Variants in CLCN4 observed in about 807,000 individuals in gnomAD.
The protein encoded by CLCN4 is H(+)/Cl(-) exchange transporter 4.
In CLCN4, 1 loss-of-function variant was observed where a neutral mutation model predicts 41.7. The observed-to-expected ratio is 0.02, with a 90% CI of 0.01 to 0.11. The LOEUF (loss-of-function observed/expected upper bound fraction) is 0.11. Ranked by LOEUF, CLCN4 falls within the 10% of genes least tolerant of loss-of-function variation. CLCN4 has a pLI of 1.00. For missense variants in CLCN4, 287 were observed against 661.0 expected (o/e 0.43, Z 6.20); for synonymous variants, 277 against 285.8 (o/e 0.97, Z 0.31).
intron 2 of CLCN4, among the ~76,000 whole-genome samples, chrX:10,170,733 C>T (rs778546458): frequency 4.5e-5 from 5 of 112,093 alleles, no homozygotes; most frequent in East Asian, 2.8e-4. Flanking sequence ...CTGGTTTAGA[C>T]GGTGATAAGC....
At position 10,233,564 on chromosome X, in the gene CLCN4, G is replaced by A. The variant is rs1925175281; in HGVS notation, c.2263G>A (p.Glu755Lys). Residue 755 changes from glutamate (E) to lysine (K), a missense_variant, in exon 13 of 13, where the codon GAA (glutamate) becomes AAA (lysine). Physicochemically the swap from Glu to Lys is moderately conservative, Grantham distance 56. Around this residue, in one of 6 missense-constraint regions of CLCN4, gnomAD observed 14 missense variants for 50.0 expected, o/e 0.28. Transcript: ENST00000380833. Reference protein sequence around the residue: ...HMAQMANQDPESIMFN With the variant: ...HMAQMANQDPKSIMFN Reference sequence around the variant, plus strand: ...GGCCCAGATGGCAAACCAGGACCCCGAATCCATCATGTTTAATTAGCAACA... The same window carrying A: ...GGCCCAGATGGCAAACCAGGACCCCAAATCCATCATGTTTAATTAGCAACA... 3.3e-6 allele frequency: 4 copies of A among 1,204,640 alleles called. No individual in the cohort carries two copies. The highest frequency in any genetic ancestry group is 4.5e-6 in the Non-Finnish European group (4 of 889,208).
chrX:10,223,946 A>G (rs967226658), intron 12 of CLCN4, among the ~76,000 whole-genome samples: 1 of 111,811 alleles, frequency 8.9e-6, no homozygotes, highest in Non-Finnish European at 1.9e-5. Flanking sequence ...TTCAACTGCT[A>G]CTCAAAGGGG....
intron 2 of CLCN4, among the ~76,000 whole-genome samples, chrX:10,169,516 C>T (rs113978622): frequency 1.8e-5 from 2 of 109,059 alleles, no homozygotes; most frequent in Non-Finnish European, 3.8e-5. Flanking sequence ...AACAAACAAA[C>T]AAACAAAACC....
intron 2 of CLCN4, among the ~76,000 whole-genome samples, chrX:10,180,781 A>G (rs1018504424): frequency 2.5e-4 from 26 of 105,839 alleles, no homozygotes; most frequent in Non-Finnish European, 1.9e-4. Context: ...AAAAAAAAAA[A>G]AAAAAAAAAA....
At chrX:10,227,132 G>A (rs1569234684) in intron 12 of CLCN4, among the ~76,000 whole-genome samples, 1 of 110,949 alleles carries the variant, frequency 9.0e-6, no homozygotes, top group East Asian at 2.8e-4. Flanking sequence ...AATGAACATT[G>A]ATGCAAAAAT....
intron 2 of CLCN4, among the ~76,000 whole-genome samples, chrX:10,165,815 A>G (rs1284204825): frequency 1.8e-5 from 2 of 111,837 alleles, no homozygotes; most frequent in East Asian, 5.6e-4. Flanking sequence ...GCATCACACC[A>G]GCTCGCCTTT....
Position 10,235,917 on chromosome X carries a change from A to T in CLCN4, c.*2333A>T, listed in dbSNP as rs1217120436. On this transcript the variant is annotated 3_prime_UTR_variant, in exon 13 of 13. Transcript: ENST00000380833. ...GCCTTGAGTAACAGGTCTTAATGTT[A>T]GTGTTGGTGTTGTGGTTTCTGCGGA... 1 of 112,321 alleles carries T rather than the reference A, an allele frequency of 8.9e-6. No individual in the cohort carries two copies. The allele number at this position is 112,321 out of a possible 1,213,427, so 9.3% of individuals were successfully genotyped here. A position where few individuals can be genotyped will look rare whatever the true frequency, so the allele number is the denominator to read the frequency against.
At position 10,233,618 on chromosome X, in the gene CLCN4, G is replaced by A; in HGVS notation, c.*34G>A. On this transcript the variant is annotated 3_prime_UTR_variant, in exon 13 of 13. Transcript: ENST00000380833. ...TGGCAATTATTTTCAGAAAAACACT[G>A]ACTGTGTCATTTAAAAAGAAATAAA... 1.0e-6 allele frequency: 1 copy of A among 995,197 alleles called. No individual in the cohort carries two copies. The highest frequency in any genetic ancestry group is 1.4e-6 in the Non-Finnish European group (1 of 699,171). The allele number at this position is 995,197 out of a possible 1,213,427, so 82.0% of individuals were successfully genotyped here. A position where few individuals can be genotyped will look rare whatever the true frequency, so the allele number is the denominator to read the frequency against.
intron 2 of CLCN4, among the ~76,000 whole-genome samples, chrX:10,178,626 T>C (rs1033808414): frequency 5.4e-5 from 6 of 112,062 alleles, no homozygotes; most frequent in African/African-American, 1.9e-4. Context: ...ACTTGCTTCC[T>C]GGACTTTTCC....
chrX:10,235,431 G>C lies in CLCN4; in HGVS notation c.*1847G>C, dbSNP rs1313559341. 8.9e-6 allele frequency: 1 copy of C among 111,956 alleles called. No individual in the cohort carries two copies. The highest frequency in any genetic ancestry group is 2.8e-4 in the East Asian group (1 of 3,565). The allele number at this position is 111,956 out of a possible 1,213,427, so 9.2% of individuals were successfully genotyped here. A position where few individuals can be genotyped will look rare whatever the true frequency, so the allele number is the denominator to read the frequency against. On this transcript the variant is annotated 3_prime_UTR_variant, in exon 13 of 13. Coordinates refer to ENST00000380833, the MANE Select transcript of CLCN4 (RefSeq NM_001830.4). ...AAATTCATATTATCTTATTAAGGAA[G>C]AGTGTTGGTCTTCAGGAGGGGAAGT...
chrX:10,211,256 ATT>A (rs1924540837), intron 9 of CLCN4, among the ~76,000 whole-genome samples: 1 of 58,935 alleles, frequency 1.7e-5, no homozygotes. Context: ...ACAGAGCGAG[ATT>A]CCGTCTCAAA....
intron 2 of CLCN4, among the ~76,000 whole-genome samples, 184 bp downstream of exon 2, chrX:10,158,735 G>T (rs748124672): frequency 4.2e-4 from 48 of 113,536 alleles, no homozygotes; most frequent in African/African-American, 1.5e-3. Flanking sequence ...CCCGGCCGGG[G>T]ATGGCCCGTG....
chrX:10,214,172 A>G (rs1158880001), intron 11 of CLCN4, 93 bp downstream of exon 11: 8 of 939,800 alleles, frequency 8.5e-6, no homozygotes, highest in Non-Finnish European at 1.1e-5. Flanking sequence ...GGTGATGTGC[A>G]TTAAGCCAGG....
At chrX:10,174,855 A>C (rs1161449942) in intron 2 of CLCN4, among the ~76,000 whole-genome samples, 1 of 112,070 alleles carries the variant, frequency 8.9e-6, no homozygotes, top group Non-Finnish European at 1.9e-5. Flanking sequence ...CCTGCCCCTC[A>C]GAATACTCTC....
intron 12 of CLCN4, among the ~76,000 whole-genome samples, chrX:10,230,334 G>T (rs1925096324): frequency 8.9e-6 from 1 of 111,941 alleles, no homozygotes; most frequent in African/African-American, 3.3e-5. Context: ...AAGCAAAAGG[G>T]CAACTCTAAT....
chrX:10,206,304 C>T, intron 6 of CLCN4, 54 bp from the exon 7 acceptor site: 1 of 943,532 alleles, frequency 1.1e-6, no homozygotes. Context: ...AGCTCTTTTC[C>T]TAGCCATGGA....
At chrX:10,197,003 T>C (rs1294329797) in intron 5 of CLCN4, among the ~76,000 whole-genome samples, 1 of 112,100 alleles carries the variant, frequency 8.9e-6, no homozygotes, top group Non-Finnish European at 1.9e-5. Flanking sequence ...GCCAGAGCAG[T>C]CTCCTGGAAC....
chrX:10,159,153 GT>G (rs1923032267), intron 2 of CLCN4, among the ~76,000 whole-genome samples: 1 of 111,460 alleles, frequency 9.0e-6, no homozygotes, highest in African/African-American at 3.3e-5. Context: ...CCTTCCAGGT[GT>G]TTTAAGTAGA....
At chrX:10,205,494 A>T (rs1365831580) in intron 6 of CLCN4, among the ~76,000 whole-genome samples, 1 of 109,010 alleles carries the variant, frequency 9.2e-6, no homozygotes, top group East Asian at 2.9e-4. Context: ...AAAAAAAGAA[A>T]AAGAAACAGA....
Sources: allele counts gnomAD v4.1 joint callset (sites outside exome capture counted in the v4.1 genomes callset), GRCh38; gene constraint gnomAD v4.1.1; regional missense constraint gnomAD v4.1.1; transcripts MANE v1.5; gene names NCBI Gene and HGNC (gene_info 2026-07-23, HGNC 2026-07-21).